Variants in SLC35F3 observed in about 807,000 individuals in gnomAD.
SLC35F3 encodes the protein solute carrier family 35 member F3.
In SLC35F3, 25 loss-of-function variants were observed where a neutral mutation model predicts 49.9. The ratio of observed to expected loss-of-function variants is 0.50; its 90% confidence interval spans 0.37 to 0.70. The LOEUF (loss-of-function observed/expected upper bound fraction) is 0.70. Ranked by LOEUF, SLC35F3 falls within the 30% of genes least tolerant of loss-of-function variation. SLC35F3 has a pLI of 0.00. For missense variants in SLC35F3, 525 were observed against 639.8 expected (o/e 0.82, Z 1.94); for synonymous variants, 275 against 265.4 (o/e 1.04, Z -0.35).
At chr1:234,162,381 C>A (rs1572075983) in intron 2 of SLC35F3, among the ~76,000 whole-genome samples, 11 of 58,540 alleles carry the variant, frequency 1.9e-4, no homozygotes, top group Middle Eastern at 0.02. Flanking sequence ...AGCCTCTGTG[C>A]AAAAAAAAAA....
chr1:233,971,717 CAA>C (rs59905472), intron 2 of SLC35F3, among the ~76,000 whole-genome samples: 15 of 117,358 alleles, frequency 1.3e-4, no homozygotes, highest in Admixed American at 1.7e-4. Flanking sequence ...GACTCCGACT[CAA>C]AAAAAAAAAA....
At chr1:233,949,354 T>C (rs938626839) in intron 2 of SLC35F3, among the ~76,000 whole-genome samples, 26 of 152,176 alleles carry the variant, frequency 1.7e-4, no homozygotes, top group African/African-American at 5.6e-4. Flanking sequence ...GGCCTGATGA[T>C]AGATAAGGCA....
intron 2 of SLC35F3, among the ~76,000 whole-genome samples, chr1:233,917,516 A>G (rs1203270621): frequency 2.0e-5 from 3 of 152,148 alleles, no homozygotes; most frequent in Non-Finnish European, 4.4e-5. Context: ...CTACTAAACC[A>G]GCACATTTCT....
chr1:234,321,563 G>C (rs544353150), intron 7 of SLC35F3, among the ~76,000 whole-genome samples: 2 of 152,214 alleles, frequency 1.3e-5, no homozygotes, highest in Non-Finnish European at 2.9e-5. Flanking sequence ...TGGTCATACC[G>C]TGTTCCTGTC....
intron 2 of SLC35F3, among the ~76,000 whole-genome samples, chr1:233,987,714 C>T (rs933347173): frequency 2.0e-5 from 3 of 152,152 alleles, no homozygotes; most frequent in Non-Finnish European, 2.9e-5. Flanking sequence ...CATTCCCTCC[C>T]ATTTTCCCTC....
chr1:234,133,778 A>C (rs1665768941), intron 2 of SLC35F3, among the ~76,000 whole-genome samples: 1 of 152,224 alleles, frequency 6.6e-6, no homozygotes, highest in East Asian at 1.9e-4. Context: ...TAGTGCTAAA[A>C]CTAGCGGCTT....
At chr1:234,220,013 G>A (rs1265519941) in intron 2 of SLC35F3, among the ~76,000 whole-genome samples, 4 of 152,180 alleles carry the variant, frequency 2.6e-5, no homozygotes, top group African/African-American at 9.7e-5. Flanking sequence ...GCAGGAGGAG[G>A]GGAGGTTAAG....
At chr1:234,235,835 G>A (rs921760232) in intron 3 of SLC35F3, among the ~76,000 whole-genome samples, 1 of 152,214 alleles carries the variant, frequency 6.6e-6, no homozygotes, top group African/African-American at 2.4e-5. Context: ...CCCTGCAAGG[G>A]CCCGGTGTGT....
chr1:234,016,106 A>T (rs1473959265), intron 2 of SLC35F3, among the ~76,000 whole-genome samples: 1 of 152,218 alleles, frequency 6.6e-6, no homozygotes, highest in Non-Finnish European at 1.5e-5. Flanking sequence ...GAAATATCAC[A>T]TCACACCTGT....
At chr1:233,954,302 G>C (rs529360225) in intron 2 of SLC35F3, among the ~76,000 whole-genome samples, 30 of 152,096 alleles carry the variant, frequency 2.0e-4, no homozygotes, top group Admixed American at 5.9e-4. Flanking sequence ...CACTGCTCCC[G>C]GCCTAGAGCC....
chr1:234,322,423 T>C (rs1045601347), intron 7 of SLC35F3, among the ~76,000 whole-genome samples: 7 of 152,118 alleles, frequency 4.6e-5, no homozygotes, highest in Non-Finnish European at 8.8e-5. Flanking sequence ...GAAAAGAAAA[T>C]GTTATTAAGA....
intron 2 of SLC35F3, among the ~76,000 whole-genome samples, chr1:234,140,163 A>G (rs1228726590): frequency 6.6e-6 from 1 of 151,626 alleles, no homozygotes; most frequent in Non-Finnish European, 1.5e-5. Flanking sequence ...CTCTCGCACT[A>G]CTCAGAACAG....
intron 3 of SLC35F3, among the ~76,000 whole-genome samples, chr1:234,305,217 G>A (rs1446937474): frequency 6.6e-6 from 1 of 152,108 alleles, no homozygotes; most frequent in Non-Finnish European, 1.5e-5. Context: ...ATGAAGTCAA[G>A]ACAGGCTATC....
At chr1:234,119,579 G>A (rs1044288206) in intron 2 of SLC35F3, among the ~76,000 whole-genome samples, 5 of 152,160 alleles carry the variant, frequency 3.3e-5, no homozygotes, top group African/African-American at 7.2e-5. Flanking sequence ...AAAGGAAAAC[G>A]AAGCTCTGTT....
At chr1:234,113,677 A>G (rs1332689179) in intron 2 of SLC35F3, among the ~76,000 whole-genome samples, 2 of 152,160 alleles carry the variant, frequency 1.3e-5, no homozygotes, top group Non-Finnish European at 2.9e-5. Context: ...CAGCCTGACC[A>G]ACATGATGAA....
intron 2 of SLC35F3, among the ~76,000 whole-genome samples, chr1:233,982,724 T>C (rs900235817): frequency 2.6e-5 from 4 of 152,322 alleles, no homozygotes; most frequent in Middle Eastern, 3.4e-3. Flanking sequence ...TTACTGACTA[T>C]ATGCAAGGCA....
chr1:234,276,063 T>C lies in SLC35F3; in HGVS notation c.609-33038T>C, dbSNP rs1427516900. 3.3e-5 allele frequency among the ~76,000 whole-genome samples: 5 copies of C among 152,218 alleles called. No individual in the cohort carries two copies. In the East Asian group the frequency reaches 7.7e-4, roughly 23 times the overall value. On this transcript the variant is annotated intron_variant, in intron 3 of 7. Transcript: ENST00000366618. ...ACTCTTCATCATATATGAGGCAACA[T>C]TGGGAGAGGGTAGGTAGTTGCTATG...
chr1:234,065,279 T>C (rs1664600841), intron 2 of SLC35F3, among the ~76,000 whole-genome samples: 4 of 152,162 alleles, frequency 2.6e-5, no homozygotes, highest in Admixed American at 2.6e-4. Flanking sequence ...CCTGAGTAGC[T>C]GGGACTACAG....
chr1:234,318,871 A>G lies in SLC35F3; in HGVS notation c.1075A>G (p.Lys359Glu), dbSNP rs1335449190. Residue 359 changes from lysine to glutamate, a missense_variant, in exon 6 of 8, where the codon AAA becomes GAA. Transcript: ENST00000366618. ...TCIPIILYFT[K>E]VEYWSSFDDI... The stretch of plus-strand genomic sequence containing the variant: ...CATTCCTATTATCCTCTACTTTACC[A>G]AAGTGGAATACTGGAGCTCTTTTGA... 13 of 1,614,056 alleles carry G rather than the reference A, an allele frequency of 8.1e-6. No homozygotes were observed. The highest frequency in any genetic ancestry group is 1.0e-5 in the Non-Finnish European group (12 of 1,180,042).
Sources: gnomAD v4.1 joint callset for allele counts (sites outside exome capture counted in the v4.1 genomes callset) on GRCh38, gnomAD v4.1.1 for gene constraint, MANE v1.5 for transcripts, NCBI Gene and HGNC (gene_info 2026-07-23, HGNC 2026-07-21) for gene names.